Variants in TRPC4 observed in about 807,000 individuals in gnomAD.
TRPC4 encodes the protein short transient receptor potential channel 4.
TRPC4 carries 49 observed loss-of-function variants against 99.4 expected under a neutral mutation model. The observed-to-expected ratio is 0.49, with a 90% CI of 0.39 to 0.63. The LOEUF (loss-of-function observed/expected upper bound fraction) is 0.63, where lower values mean the gene tolerates loss of function less well. Among genes scored for constraint, TRPC4 ranks in the 20% least tolerant of loss-of-function variants. The pLI is 0.00. For missense variants in TRPC4, 898 were observed against 1,152.9 expected, an observed-to-expected ratio of 0.78 and a Z score of 3.20; for synonymous variants, 454 against 425.9, an observed-to-expected ratio of 1.07 and a Z score of -0.81.
intron 3 of TRPC4, among the ~76,000 whole-genome samples, chr13:37,736,163 A>T (rs1482832868): frequency 1.3e-5 from 2 of 152,182 alleles, no homozygotes; most frequent in Non-Finnish European, 2.9e-5. Flanking sequence ...AAAGTACTGA[A>T]TAGGCATTTG....
intron 1 of TRPC4, among the ~76,000 whole-genome samples, chr13:37,827,906 G>A (rs992666081): frequency 2.3e-4 from 35 of 152,176 alleles, no homozygotes; most frequent in African/African-American, 8.0e-4. Context: ...TCAGACTGCT[G>A]TGCTAGCAAT....
rs1425455377 is a variant in TRPC4 at position 37,746,103 on chromosome 13, A to T, written c.731T>A (p.Leu244Gln). The T allele has an allele frequency of 1.2e-6, 2 of 1,613,846 alleles. No homozygotes were observed. The highest frequency in any genetic ancestry group is 1.7e-6 in the Non-Finnish European group (2 of 1,179,922). ...AGCAAATTGTTTGCACTGCCGTGAC[A>T]GCTCTTCATACTCCGACTTGAATTC... ...ENEFKSEYEE[L>Q]SRQCKQFAKD... The change falls in exon 3 of 11, where the codon CTG becomes CAG. Residue 244 changes from leucine (L) to glutamine (Q), a missense_variant. Physicochemically the swap from Leu to Gln is moderately radical, Grantham distance 113. Coordinates refer to ENST00000379705, the MANE Select transcript of TRPC4 (RefSeq NM_016179.4).
intron 2 of TRPC4, among the ~76,000 whole-genome samples, chr13:37,756,316 A>C (rs961710788): frequency 1.3e-5 from 2 of 152,150 alleles, no homozygotes; most frequent in African/African-American, 4.8e-5. Flanking sequence ...TTATCTAAAC[A>C]AACTCGAAAG....
intron 4 of TRPC4, among the ~76,000 whole-genome samples, chr13:37,685,666 T>C (rs1379531994): frequency 2.6e-5 from 4 of 152,136 alleles, no homozygotes; most frequent in African/African-American, 9.7e-5. Flanking sequence ...TTTCCTGTCT[T>C]TTCCCCTCTT....
intron 4 of TRPC4, among the ~76,000 whole-genome samples, chr13:37,677,532 T>A (rs560307105): frequency 9.9e-5 from 15 of 152,194 alleles, no homozygotes; most frequent in African/African-American, 2.9e-4. Context: ...GTAGATGTAT[T>A]TCAGAAGAAG....
At chr13:37,842,981 T>C (rs914311189) in intron 1 of TRPC4, among the ~76,000 whole-genome samples, 14 of 152,206 alleles carry the variant, frequency 9.2e-5, no homozygotes, top group South Asian at 4.1e-4. Context: ...CAAGATATCA[T>C]ACCTGCTAAG....
chr13:37,844,278 G>T (rs971308313), intron 1 of TRPC4, among the ~76,000 whole-genome samples: 1 of 151,976 alleles, frequency 6.6e-6, no homozygotes, highest in South Asian at 2.1e-4. Flanking sequence ...ATGGTTCACA[G>T]GTCTTTCTTT....
chr13:37,812,189 A>AAAAAAAAAAAAAAC (rs1555276093), intron 1 of TRPC4, among the ~76,000 whole-genome samples: 1 of 149,008 alleles, frequency 6.7e-6, no homozygotes, highest in African/African-American at 2.5e-5. Context: ...AAAAAAAAAA[A>AAAAAAAAAAAAAAC]AAAAAACCAG....
chr13:37,734,413 A>G (rs1000297567), intron 3 of TRPC4, among the ~76,000 whole-genome samples: 8 of 152,084 alleles, frequency 5.3e-5, no homozygotes, highest in Admixed American at 1.3e-4. Flanking sequence ...GGCACCAAAA[A>G]TTCACCTTTT....
chr13:37,794,772 A>G (rs1284405343), intron 1 of TRPC4, among the ~76,000 whole-genome samples: 2 of 152,184 alleles, frequency 1.3e-5, no homozygotes, highest in Non-Finnish European at 2.9e-5. Flanking sequence ...TTAAAAAAGT[A>G]CTATTGTTCT....
chr13:37,814,972 T>C (rs1445743144), intron 1 of TRPC4, among the ~76,000 whole-genome samples: 1 of 151,802 alleles, frequency 6.6e-6, no homozygotes, highest in Non-Finnish European at 1.5e-5. Context: ...AGTGCTGGAA[T>C]ATTAGACATA....
chr13:37,695,712 G>C (rs1953881900), intron 3 of TRPC4, among the ~76,000 whole-genome samples: 1 of 152,178 alleles, frequency 6.6e-6, no homozygotes, highest in African/African-American at 2.4e-5. Context: ...ACTTTAAAAA[G>C]TTTGAAAAGT....
At position 37,854,566 on chromosome 13, in the gene TRPC4, A is replaced by G. The variant is rs114427263; in HGVS notation, c.-28+15029T>C. Among the ~76,000 whole-genome samples, 384 of 152,228 alleles carry G rather than the reference A, an allele frequency of 2.5e-3. 2 individuals carry two copies. The highest frequency in any genetic ancestry group is 9.0e-3 in the African/African-American group (375 of 41,554). ...CTGCAATTGTTATGTAGACAGTATA[A>G]TATGACATAAAGGGAAACAATAGAA... On this transcript the variant is annotated intron_variant, in intron 1 of 10. Coordinates refer to ENST00000379705, the MANE Select transcript of TRPC4 (RefSeq NM_016179.4).
At chr13:37,783,458 C>A (rs1282217982) in intron 1 of TRPC4, 98 bp from the exon 2 acceptor site, 3 of 934,430 alleles carry the variant, frequency 3.2e-6, no homozygotes, top group East Asian at 5.4e-5. Flanking sequence ...TCAATAACAA[C>A]AATACCATTA....
At chr13:37,842,964 T>C (rs1000480111) in intron 1 of TRPC4, among the ~76,000 whole-genome samples, 2 of 152,312 alleles carry the variant, frequency 1.3e-5, no homozygotes, top group African/African-American at 4.8e-5. Context: ...TTTTAAAAGC[T>C]TGGAAACAAG....
intron 7 of TRPC4, among the ~76,000 whole-genome samples, chr13:37,654,430 T>C (rs536767922): frequency 3.3e-5 from 5 of 152,280 alleles, no homozygotes; most frequent in African/African-American, 1.2e-4. Flanking sequence ...AGTTCAACTT[T>C]GTCTTTCTTG....
chr13:37,801,922 C>T (rs1294105783), intron 1 of TRPC4, among the ~76,000 whole-genome samples: 2 of 152,034 alleles, frequency 1.3e-5, no homozygotes, highest in African/African-American at 4.8e-5. Flanking sequence ...ACCTTGAAAA[C>T]TGCATGCACA....
chr13:37,732,214 T>C (rs907687760), intron 3 of TRPC4, among the ~76,000 whole-genome samples: 5 of 152,124 alleles, frequency 3.3e-5, no homozygotes, highest in Non-Finnish European at 7.4e-5. Flanking sequence ...ATGTGGTAAA[T>C]GTACATGCTC....
chr13:37,865,547 C>G (rs1280820704), intron 1 of TRPC4, among the ~76,000 whole-genome samples: 1 of 151,604 alleles, frequency 6.6e-6, no homozygotes, highest in Non-Finnish European at 1.5e-5. Flanking sequence ...ATCTCTTGCT[C>G]TGCTTCAAAA....
Sources: gnomAD v4.1 joint callset for allele counts (sites outside exome capture counted in the v4.1 genomes callset) on GRCh38, gnomAD v4.1.1 for gene constraint, MANE v1.5 for transcripts, NCBI Gene and HGNC (gene_info 2026-07-23, HGNC 2026-07-21) for gene names.